The following FXR2 variants were observed in gnomAD, a reference collection of about 807,000 sequenced individuals.
FXR2 encodes the protein FMR1 autosomal homolog 2.
A neutral mutation model predicts 87.3 loss-of-function variants in FXR2; 9 were observed. That is an observed-to-expected ratio of 0.10 (90% confidence interval 0.06 to 0.18). The LOEUF is 0.18. Ranked by LOEUF, FXR2 falls within the 10% of genes least tolerant of loss-of-function variation. FXR2 has a pLI of 1.00. For missense variants in FXR2, 661 were observed against 893.6 expected, an observed-to-expected ratio of 0.74 and a Z score of 3.32; for synonymous variants, 331 against 328.3, an observed-to-expected ratio of 1.01 and a Z score of -0.09.
intron 5 of FXR2, 138 bp from the exon 6 acceptor site, chr17:7,603,140 A>C (rs2150944735): frequency 3.7e-6 from 2 of 534,732 alleles, no homozygotes; most frequent in Non-Finnish European, 6.7e-6. Flanking sequence ...TGAAGTCAGG[A>C]GTTCAAGACT....
In FXR2 at chr17:7,592,074, G is replaced by A; in HGVS notation, c.1927-149C>T. 2 of 1,435,808 alleles carry A rather than the reference G, an allele frequency of 1.4e-6. No homozygotes were observed. The highest frequency in any genetic ancestry group is 1.8e-4 in the Middle Eastern group (1 of 5,424). 88.9% of individuals were successfully genotyped at this position (1,435,808 alleles called of 1,614,324 possible). A position where few individuals can be genotyped will look rare whatever the true frequency, so the allele number is the denominator to read the frequency against. On this transcript the variant is annotated intron_variant, in intron 16 of 16. Transcript: ENST00000250113. The surrounding 1 kb of genome is among the most constrained non-coding windows in gnomAD (Gnocchi z 4.8). ...CTCATGATCCAGTCTCTCTTACTTG[G>A]GATCCAGAAAATGTGAACCACACTT...
intron 1 of FXR2, among the ~76,000 whole-genome samples, chr17:7,609,983 T>TAC (rs2071843898): frequency 1.0e-5 from 1 of 95,988 alleles, no homozygotes; most frequent in Non-Finnish European, 2.3e-5. Context: ...TGTATACATA[T>TAC]ATATATACAT....
rs375920561 is a variant in FXR2 at position 7,614,022 on chromosome 17, G to A, written c.81+430C>T. On this transcript the variant is annotated intron_variant, in intron 1 of 16. Coordinates refer to ENST00000250113, the MANE Select transcript of FXR2 (RefSeq NM_004860.4). Reference sequence around the variant, plus strand: ...TGAGGAAGATGAAAGGATCTTTTACGGGACAGAGGGCCTTCCCAAAGGGAC... The same window carrying A: ...TGAGGAAGATGAAAGGATCTTTTACAGGACAGAGGGCCTTCCCAAAGGGAC... The A allele has an allele frequency of 4.2e-4, 195 of 458,892 alleles. 1 individual carries two copies. In the East Asian group the frequency reaches 7.2e-3, roughly 17 times the overall value. 28.4% of individuals were successfully genotyped at this position (458,892 alleles called of 1,614,324 possible). A position where few individuals can be genotyped will look rare whatever the true frequency, so the allele number is the denominator to read the frequency against.
chr17:7,607,540 GC>G (rs2071813203), intron 1 of FXR2, among the ~76,000 whole-genome samples: 2 of 151,554 alleles, frequency 1.3e-5, no homozygotes, highest in South Asian at 4.2e-4. Context: ...CAATTCTCCT[GC>G]CTCAGCCTCA....
chr17:7,610,779 G>A (rs1020995727), intron 1 of FXR2, among the ~76,000 whole-genome samples: 3 of 152,126 alleles, frequency 2.0e-5, no homozygotes, highest in Admixed American at 6.6e-5. Context: ...ATGTATTAGG[G>A]AGCCACCTAG....
At chr17:7,601,323 G>T in intron 7 of FXR2, 86 bp downstream of exon 7, 1 of 807,630 alleles carries the variant, frequency 1.2e-6, no homozygotes, top group African/African-American at 1.7e-5. Flanking sequence ...TCTTTGTTCT[G>T]TAAACACAAG....
At chr17:7,603,353 C>A (rs1181504628) in intron 5 of FXR2, among the ~76,000 whole-genome samples, 1 of 151,356 alleles carries the variant, frequency 6.6e-6, no homozygotes. Flanking sequence ...CATGGAGAAA[C>A]CCTGTCTCTA....
chr17:7,606,090 G>GTC lies in FXR2; in HGVS notation c.134+5_134+6dup. On this transcript the variant is annotated splice_region_variant and intron_variant, in intron 2 of 16. Coordinates refer to ENST00000250113, the MANE Select transcript of FXR2 (RefSeq NM_004860.4). ...GTATGCTGGATTCTCTATTCCCAAGGTCTTACTTGTTTTCAAAGAAGATGG... is the reference window on the plus strand; with the variant it reads ...GTATGCTGGATTCTCTATTCCCAAGGTCTCTTACTTGTTTTCAAAGAAGATGG... The GTC allele has an allele frequency of 6.6e-7, 1 of 1,511,360 alleles. No individual in the cohort carries two copies. The highest frequency in any genetic ancestry group is 9.0e-7 in the Non-Finnish European group (1 of 1,111,154). The allele number at this position is 1,511,360 out of a possible 1,614,324, so 93.6% of individuals were successfully genotyped here.
At chr17:7,601,309 T>C in intron 7 of FXR2, 100 bp downstream of exon 7, 1 of 722,294 alleles carries the variant, frequency 1.4e-6, no homozygotes, top group Non-Finnish European at 2.5e-6. Flanking sequence ...AGAAAAAGCC[T>C]TAGTCTTTGT....
chr17:7,614,499 G>A lies in FXR2; in HGVS notation c.34C>T (p.Pro12Ser). 1 of 1,533,542 alleles carries A rather than the reference G, an allele frequency of 6.5e-7. No homozygotes were observed. 95.0% of individuals were successfully genotyped at this position (1,533,542 alleles called of 1,614,324 possible). A position where few individuals can be genotyped will look rare whatever the true frequency, so the allele number is the denominator to read the frequency against. ...GGLASGGDVE[P>S]GLPVEVRGSN... The stretch of plus-strand genomic sequence containing the variant: ...CCGCGCACCTCGACGGGCAGTCCCG[G>A]CTCCACATCCCCCCCAGAGGCCAGG... The change falls in exon 1 of 17, where the codon CCG becomes TCG. Residue 12 changes from proline (P) to serine (S), a missense_variant. By Grantham distance (74) the Pro-to-Ser change is moderately conservative (BLOSUM62 -1). This residue lies in a region of FXR2 where 170 missense variants were observed against 247.2 expected (regional missense o/e 0.69). Coordinates refer to ENST00000250113, the MANE Select transcript of FXR2 (RefSeq NM_004860.4).
Position 7,605,664 on chromosome 17 carries a change from G to C in FXR2, c.209C>G (p.Thr70Arg). ...CCTTACCTCCACTTCATCCCCTTCTGTGATCTCCTTATTATAGTCAGCTGG... is the reference window on the plus strand; with the variant it reads ...CCTTACCTCCACTTCATCCCCTTCTCTGATCTCCTTATTATAGTCAGCTGG... Reference protein sequence around the residue: ...PPPADYNKEITEGDEVEVYSR... With the variant: ...PPPADYNKEIREGDEVEVYSR... The change falls in exon 3 of 17, where the codon ACA (threonine) becomes AGA (arginine). Residue 70 changes from threonine (T) to arginine (R), a missense_variant. By Grantham distance (71) the Thr-to-Arg change is moderately conservative. This residue lies in a region of FXR2 where 170 missense variants were observed against 247.2 expected (regional missense o/e 0.69). Coordinates refer to ENST00000250113, the MANE Select transcript of FXR2 (RefSeq NM_004860.4). 2 of 1,568,236 alleles carry C rather than the reference G, an allele frequency of 1.3e-6. No individual in the cohort carries two copies. Among genetic ancestry groups the C allele is most frequent in the Non-Finnish European group, 1.8e-6 (2 of 1,139,446 alleles).
At chr17:7,604,618 G>A (rs1420608328) in intron 3 of FXR2, among the ~76,000 whole-genome samples, 1 of 151,714 alleles carries the variant, frequency 6.6e-6, no homozygotes, top group Non-Finnish European at 1.5e-5. Flanking sequence ...CTTGAACCAG[G>A]AGGTGGAGGT....
chr17:7,609,981 T>TATATATATACATGCATATGTATAC (rs1567753921), intron 1 of FXR2, among the ~76,000 whole-genome samples: 56 of 48,510 alleles, frequency 1.2e-3, no homozygotes, highest in African/African-American at 1.8e-3. Context: ...TATGTATACA[T>TATATATATACATGCATATGTATAC]ATATATATAC....
intron 7 of FXR2, among the ~76,000 whole-genome samples, chr17:7,597,389 A>G (rs2071715740): frequency 6.6e-6 from 1 of 152,172 alleles, no homozygotes. Context: ...AACTAAGTTG[A>G]GTGTTCAAAA....
At chr17:7,605,936 C>A (rs2071799753) in intron 2 of FXR2, 161 bp downstream of exon 2, 7 of 651,764 alleles carry the variant, frequency 1.1e-5, no homozygotes, top group South Asian at 7.5e-5. Flanking sequence ...CCCACCCTCA[C>A]CAAATTCTCA....
intron 7 of FXR2, 28 bp from the exon 8 acceptor site, chr17:7,596,022 A>G (rs1208545662): frequency 6.3e-7 from 1 of 1,585,232 alleles, no homozygotes; most frequent in Non-Finnish European, 8.7e-7. Flanking sequence ...TGTAGGAATC[A>G]TGGTGGTAGA....
chr17:7,595,445 C>G lies in FXR2; in HGVS notation c.831+379G>C, dbSNP rs1237374960. On this transcript the variant is annotated intron_variant, in intron 8 of 16. Transcript: ENST00000250113. This position sits in a 1 kb window ranked among gnomAD's most constrained non-coding sequence, Gnocchi z 4.7. Reference sequence around the variant, plus strand: ...GGGGCCACAGATGCATGCCACCACGCTCAGTTAACGTTTTTTGGTTTTTGG... The same window carrying G: ...GGGGCCACAGATGCATGCCACCACGGTCAGTTAACGTTTTTTGGTTTTTGG... Among the ~76,000 whole-genome samples the G allele has an allele frequency of 3.3e-5, 5 of 151,924 alleles. No homozygotes were observed. Among genetic ancestry groups the G allele is most frequent in the African/African-American group, 7.3e-5 (3 of 41,354 alleles).
At chr17:7,608,618 A>G (rs11078700) in intron 1 of FXR2, among the ~76,000 whole-genome samples, 11,385 of 147,712 alleles carry the variant, frequency 0.077, 454 homozygotes, top group South Asian at 0.11. Context: ...CTCTGCCTCA[A>G]AAAAAAAAAA....
rs189005809 is a variant in FXR2, at chr17:7,593,180, G to C, written c.1332C>G (p.Gly444=). The part of the protein sequence containing the change: ...RGRRTGGPAY[G]PSSDVSTASE... Reference sequence around the variant, plus strand: ...AAGCTGTAGACACATCTGAGCTGGGGCCTGAAGAACACAATGGGATTTATT... The same window carrying C: ...AAGCTGTAGACACATCTGAGCTGGGCCCTGAAGAACACAATGGGATTTATT... Residue 444 remains glycine, a splice_region_variant and synonymous_variant, in exon 13 of 17, where the codon GGC becomes GGG. Coordinates refer to ENST00000250113, the MANE Select transcript of FXR2 (RefSeq NM_004860.4). This position sits in a 1 kb window ranked among gnomAD's most constrained non-coding sequence, Gnocchi z 6.1. 1.3e-6 allele frequency: 2 copies of C among 1,516,676 alleles called. No homozygotes were observed. The highest frequency in any genetic ancestry group is 2.8e-5 in the African/African-American group (2 of 71,768). The allele number at this position is 1,516,676 out of a possible 1,614,324, so 94.0% of individuals were successfully genotyped here.
Sources: allele counts gnomAD v4.1 joint callset (sites outside exome capture counted in the v4.1 genomes callset), GRCh38; gene constraint gnomAD v4.1.1; regional missense constraint gnomAD v4.1.1; non-coding constraint Gnocchi (gnomAD v3.1); transcripts MANE v1.5; gene names NCBI Gene and HGNC (gene_info 2026-07-23, HGNC 2026-07-21).